Variants in ANK1 observed in about 807,000 individuals in gnomAD.
ANK1 encodes the protein ankyrin-1.
ANK1 carries 51 observed loss-of-function variants against 210.4 expected under a neutral mutation model. The ratio of observed to expected loss-of-function variants is 0.24; its 90% CI spans 0.19 to 0.31. ANK1 has a LOEUF of 0.31. Among genes scored for constraint, ANK1 ranks in the 10% least tolerant of loss-of-function variants. The pLI is 1.00. For synonymous variants in ANK1, 967 were observed against 1,025.9 expected (o/e 0.94, Z 1.10); for missense variants, 2,051 against 2,504.4 (o/e 0.82, Z 3.86).
intron 1 of ANK1, among the ~76,000 whole-genome samples, chr8:41,882,909 T>C (rs570176604): frequency 6.6e-6 from 1 of 152,202 alleles, no homozygotes; most frequent in Non-Finnish European, 1.5e-5. Flanking sequence ...TCACCTTACA[T>C]TGAAAACAGA....
chr8:41,663,754 G>C lies in ANK1; in HGVS notation c.5395-12C>G. ...TGAAACTCATTCCCCTGGAATTAGAGAAAGGGAGAAAATGCAAGATTGGTG... is the reference window on the plus strand; with the variant it reads ...TGAAACTCATTCCCCTGGAATTAGACAAAGGGAGAAAATGCAAGATTGGTG... On this transcript the variant is annotated splice_polypyrimidine_tract_variant and intron_variant, in intron 39 of 42. Coordinates refer to ENST00000289734, the MANE Select transcript of ANK1 (RefSeq NM_000037.4). 1 of 1,606,210 alleles carries C rather than the reference G, an allele frequency of 6.2e-7. No individual in the cohort carries two copies. Among genetic ancestry groups the C allele is most frequent in the South Asian group, 1.1e-5 (1 of 90,940 alleles).
intron 7 of ANK1, 84 bp from the exon 8 acceptor site, chr8:41,723,717 C>T (rs1829908449): frequency 1.7e-6 from 2 of 1,167,098 alleles, no homozygotes; most frequent in Middle Eastern, 2.3e-4. Flanking sequence ...TTGTCCCCAG[C>T]CCCCAGTCCC....
intron 1 of ANK1, among the ~76,000 whole-genome samples, chr8:41,877,558 A>C (rs142260955): frequency 1.6e-4 from 25 of 152,394 alleles, no homozygotes; most frequent in Non-Finnish European, 2.9e-5. Flanking sequence ...AGATTTTGGA[A>C]ATCCAGTTTA....
intron 1 of ANK1, among the ~76,000 whole-genome samples, chr8:41,771,981 C>T (rs1256914034): frequency 6.6e-6 from 1 of 152,112 alleles, no homozygotes; most frequent in Non-Finnish European, 1.5e-5. Flanking sequence ...CTCTGCCTCC[C>T]CAGGATGATT....
At chr8:41,753,166 G>C (rs1484475374) in intron 2 of ANK1, among the ~76,000 whole-genome samples, 1 of 150,390 alleles carries the variant, frequency 6.6e-6, no homozygotes, top group African/African-American at 2.5e-5. Context: ...GGGTTCAAGA[G>C]ATTCTCTTGC....
intron 26 of ANK1, among the ~76,000 whole-genome samples, chr8:41,695,804 C>T (rs754991169): frequency 5.9e-5 from 9 of 152,238 alleles, no homozygotes; most frequent in African/African-American, 1.9e-4. Flanking sequence ...AAGGCAGGGC[C>T]TCCTGGTCAG....
chr8:41,841,292 C>A (rs960753966), intron 1 of ANK1, among the ~76,000 whole-genome samples: 4 of 152,184 alleles, frequency 2.6e-5, no homozygotes, highest in Non-Finnish European at 5.9e-5. Flanking sequence ...CCTACAGGAA[C>A]AAGTGCTGCA....
chr8:41,890,708 C>CAAAAAAAAAAAAAA (rs557921949), intron 1 of ANK1, among the ~76,000 whole-genome samples: 3 of 62,972 alleles, frequency 4.8e-5, no homozygotes, highest in Non-Finnish European at 8.1e-5. Context: ...GACTCCGTCT[C>CAAAAAAAAAAAAAA]AAAAAAAAAA....
chr8:41,858,961 G>A (rs1473934111), intron 1 of ANK1, among the ~76,000 whole-genome samples: 2 of 152,258 alleles, frequency 1.3e-5, no homozygotes, highest in East Asian at 3.9e-4. Context: ...CAAGGAGGGA[G>A]GCCAGACCCA....
chr8:41,741,539 C>T (rs1372389718), intron 2 of ANK1, among the ~76,000 whole-genome samples: 2 of 151,200 alleles, frequency 1.3e-5, no homozygotes, highest in Admixed American at 1.3e-4. Flanking sequence ...ATGATTGCAC[C>T]ACTGTCCTTG....
At chr8:41,752,050 G>A (rs73619381) in intron 2 of ANK1, among the ~76,000 whole-genome samples, 7,707 of 152,036 alleles carry the variant, frequency 0.051, 663 homozygotes, top group African/African-American at 0.17. Context: ...CAAGAATACT[G>A]TTCCCCAGAA....
intron 1 of ANK1, among the ~76,000 whole-genome samples, chr8:41,778,216 G>A (rs1469847124): frequency 6.6e-6 from 1 of 152,234 alleles, no homozygotes; most frequent in African/African-American, 2.4e-5. Flanking sequence ...AACTAACAGA[G>A]GTGAAAGATA....
chr8:41,865,010 C>G (rs575695580), intron 1 of ANK1, among the ~76,000 whole-genome samples: 3 of 152,204 alleles, frequency 2.0e-5, no homozygotes, highest in African/African-American at 2.4e-5. Context: ...CTTCCAGAAG[C>G]CTTGAGGCTC....
intron 21 of ANK1, 114 bp downstream of exon 21, chr8:41,701,938 T>G: frequency 8.6e-7 from 1 of 1,169,210 alleles, no homozygotes; most frequent in Non-Finnish European, 1.3e-6. Context: ...GCGCGGCGCC[T>G]CCGACCCGCG....
At chr8:41,675,599 T>A (rs1486824668) in intron 37 of ANK1, among the ~76,000 whole-genome samples, 1 of 152,212 alleles carries the variant, frequency 6.6e-6, no homozygotes, top group Non-Finnish European at 1.5e-5. Context: ...TGTTGAGGTA[T>A]GTTTGACATT....
At chr8:41,830,969 C>T (rs1223925865) in intron 1 of ANK1, among the ~76,000 whole-genome samples, 1 of 152,138 alleles carries the variant, frequency 6.6e-6, no homozygotes, top group Non-Finnish European at 1.5e-5. Context: ...TGGTCACATT[C>T]CTTATCAGTG....
chr8:41,721,317 A>C (rs1829191417), intron 9 of ANK1, among the ~76,000 whole-genome samples: 3 of 152,134 alleles, frequency 2.0e-5, no homozygotes. Context: ...AAACCACCAG[A>C]AGCTCGGGGA....
chr8:41,860,828 G>C (rs972455639), intron 1 of ANK1, among the ~76,000 whole-genome samples: 6 of 152,192 alleles, frequency 3.9e-5, no homozygotes, highest in Non-Finnish European at 5.9e-5. Flanking sequence ...AGGGGCCTCA[G>C]GGCCTGAGCG....
chr8:41,686,290 G>A lies in ANK1; in HGVS notation c.4259-7C>T. 6.2e-7 allele frequency: 1 copy of A among 1,613,384 alleles called. No individual in the cohort carries two copies. Among genetic ancestry groups the A allele is most frequent in the Non-Finnish European group, 8.5e-7 (1 of 1,180,026 alleles). On this transcript the variant is annotated splice_polypyrimidine_tract_variant and splice_region_variant and intron_variant, in intron 35 of 42. Transcript: ENST00000289734. Reference sequence around the variant, plus strand: ...TGCAGCTCCCGGGCCAACTCTGCAAGCAAAGAACCAACAGCAGATGTGAGC... The same window carrying A: ...TGCAGCTCCCGGGCCAACTCTGCAAACAAAGAACCAACAGCAGATGTGAGC...
Sources: gnomAD v4.1 joint callset for allele counts (sites outside exome capture counted in the v4.1 genomes callset) on GRCh38, gnomAD v4.1.1 for gene constraint, MANE v1.5 for transcripts, NCBI Gene and HGNC (gene_info 2026-07-23, HGNC 2026-07-21) for gene names.